The following DNAH10 variants were observed in gnomAD, a reference collection of about 807,000 sequenced individuals.
DNAH10 encodes the protein axonemal beta dynein heavy chain 10.
Under a neutral mutation model 506.6 loss-of-function variants are expected in DNAH10, and 348 were observed. That is an observed-to-expected ratio of 0.69 (90% CI 0.63 to 0.75). DNAH10 has a LOEUF of 0.75. Ranked by LOEUF, DNAH10 falls within the 30% of genes least tolerant of loss-of-function variation. DNAH10 has a pLI of 0.00. For missense variants in DNAH10, 5,179 were observed against 5,787.1 expected (o/e 0.89, Z 3.41); for synonymous variants, 2,059 against 2,198.6 (o/e 0.94, Z 1.78).
chr12:123,915,213 C>G (rs1001292084), intron 62 of DNAH10, among the ~76,000 whole-genome samples: 2 of 112,206 alleles, frequency 1.8e-5, no homozygotes, highest in Non-Finnish European at 3.8e-5. Context: ...AACTCTGCCT[C>G]TCCCCTCGCA....
chr12:123,783,329 C>T, intron 7 of DNAH10, 65 bp downstream of exon 7: 2 of 1,590,304 alleles, frequency 1.3e-6, no homozygotes, highest in Non-Finnish European at 8.6e-7. Context: ...GGGAAAGAGC[C>T]CGGAGTCTGG....
chr12:123,764,995 T>G (rs578128096), intron 1 of DNAH10, among the ~76,000 whole-genome samples: 9 of 152,142 alleles, frequency 5.9e-5, no homozygotes, highest in South Asian at 4.1e-4. Context: ...TTGAACAGTT[T>G]CCCTAGATTA....
At position 123,933,525 on chromosome 12, in the gene DNAH10, G is replaced by T. The variant is rs368733489; in HGVS notation, c.13477+14G>T. ...GGGCGGGACAAGGTACCGTCAGCTC[G>T]TTAGGGATCCACAGCCTCTCACTTA... On this transcript the variant is annotated intron_variant, in intron 77 of 78. Transcript: ENST00000673944. The T allele has an allele frequency of 1.9e-6, 3 of 1,576,134 alleles. No individual in the cohort carries two copies. The highest frequency in any genetic ancestry group is 2.3e-5 in the East Asian group (1 of 43,180).
Position 123,928,443 on chromosome 12 carries a change from G to C in DNAH10, c.12162G>C (p.Gln4054His), listed in dbSNP as rs1417447667. Reference sequence around the variant, plus strand: ...CTCGGGGGCAGTGGCTGATGCTGCAGAACTGCCACCTCCTGGTCAAGTGGC... The same window carrying C: ...CTCGGGGGCAGTGGCTGATGCTGCACAACTGCCACCTCCTGGTCAAGTGGC... ...AVARGQWLML[Q>H]NCHLLVKWLK... The change falls in exon 70 of 79, where the codon CAG (glutamine) becomes CAC (histidine). Residue 4054 changes from glutamine to histidine, a missense_variant. Physicochemically the swap from Gln to His is conservative, Grantham distance 24 (BLOSUM62 0). Coordinates refer to ENST00000673944, the MANE Select transcript of DNAH10 (RefSeq NM_001372106.1). This position sits in a 1 kb window ranked among gnomAD's most constrained non-coding sequence, Gnocchi z 4.9. The C allele has an allele frequency of 6.2e-7, 1 of 1,608,870 alleles. No individual in the cohort carries two copies. Among genetic ancestry groups the C allele is most frequent in the Non-Finnish European group, 8.5e-7 (1 of 1,178,116 alleles).
At chr12:123,905,456 G>A (rs1015114848) in intron 57 of DNAH10, among the ~76,000 whole-genome samples, 71 of 152,206 alleles carry the variant, frequency 4.7e-4, no homozygotes, top group African/African-American at 1.6e-3. Context: ...AATCCCCGCC[G>A]TGGGGATGGA....
chr12:123,820,509 C>A, intron 23 of DNAH10, 71 bp from the exon 24 acceptor site: 1 of 1,430,322 alleles, frequency 7.0e-7, no homozygotes, highest in South Asian at 1.3e-5. Context: ...ATACATTATG[C>A]ATGATTTCTT....
Position 123,926,838 on chromosome 12 carries a change from G to A in DNAH10, c.12105+18G>A. 1 of 1,612,782 alleles carries A rather than the reference G, an allele frequency of 6.2e-7. No homozygotes were observed. The highest frequency in any genetic ancestry group is 1.1e-5 in the South Asian group (1 of 90,936). On this transcript the variant is annotated intron_variant, in intron 69 of 78. Coordinates refer to ENST00000673944, the MANE Select transcript of DNAH10 (RefSeq NM_001372106.1). The surrounding 1 kb of genome is among the most constrained non-coding windows in gnomAD (Gnocchi z 4.1). ...AAGAAAAGGTAATTTGTGGCTGAAA[G>A]GAACAAGCTCTACGTTTAGGGGAGG...
chr12:123,856,022 T>C (rs1168437485), intron 36 of DNAH10, among the ~76,000 whole-genome samples: 1 of 148,432 alleles, frequency 6.7e-6, no homozygotes, highest in South Asian at 2.1e-4. Context: ...ATATTATTTA[T>C]ATGATCATTA....
intron 55 of DNAH10, 25 bp downstream of exon 55, chr12:123,897,992 G>T: frequency 1.3e-6 from 2 of 1,529,034 alleles, no homozygotes; most frequent in South Asian, 2.6e-5. Context: ...TGGGGTGGTT[G>T]ACAAAAGTCA....
chr12:123,906,211 A>G (rs1182192387), intron 57 of DNAH10, among the ~76,000 whole-genome samples: 1 of 143,324 alleles, frequency 7.0e-6, no homozygotes, highest in African/African-American at 2.6e-5. Flanking sequence ...GGATTACAGG[A>G]GTGAGCCACT....
chr12:123,768,696 C>G (rs1194225498), intron 2 of DNAH10, among the ~76,000 whole-genome samples: 1 of 152,198 alleles, frequency 6.6e-6, no homozygotes, highest in Non-Finnish European at 1.5e-5. Context: ...ACTGTGCAAG[C>G]TACAGATGCC....
At position 123,885,064 on chromosome 12, in the gene DNAH10, T is replaced by C. The variant is rs534235759; in HGVS notation, c.8824-2078T>C. On this transcript the variant is annotated intron_variant, in intron 51 of 78. Transcript: ENST00000673944. ...GCTGAAAATGCACTTTTGATTTATA[T>C]ATTCAACTTACAATGGGTTTATCTG... 2.0e-5 allele frequency among the ~76,000 whole-genome samples: 3 copies of C among 152,356 alleles called. No individual in the cohort carries two copies. In the South Asian group the frequency reaches 6.2e-4, roughly 32 times the overall value.
intron 41 of DNAH10, among the ~76,000 whole-genome samples, 156 bp downstream of exon 41, chr12:123,866,229 CTTTTTTTTTT>C (rs71088963): frequency 3.3e-4 from 19 of 58,208 alleles, no homozygotes; most frequent in East Asian, 4.6e-4. Flanking sequence ...GGCAGACACA[CTTTTTTTTTT>C]TTTTTTTTTT....
Position 123,859,176 on chromosome 12 carries a change from G to T in DNAH10, c.6657G>T (p.Glu2219Asp). ...IQVDKVVQMF[E>D]TMLTRHTTMV... Reference sequence around the variant, plus strand: ...TGGATAAAGTGGTTCAAATGTTCGAGACCATGTTAACCCGCCACACGACGA... The same window carrying T: ...TGGATAAAGTGGTTCAAATGTTCGATACCATGTTAACCCGCCACACGACGA... The change falls in exon 38 of 79, where the codon GAG becomes GAT. Residue 2219 changes from glutamate to aspartate, a missense_variant. Glu to Asp is a conservative substitution (Grantham distance 45). Around this residue, in one of 3 missense-constraint regions of DNAH10, gnomAD observed 4,844 missense variants for 5,430.5 expected, o/e 0.89. Transcript: ENST00000673944. The T allele has an allele frequency of 6.2e-7, 1 of 1,611,608 alleles. No individual in the cohort carries two copies. Among genetic ancestry groups the T allele is most frequent in the Non-Finnish European group, 8.5e-7 (1 of 1,179,180 alleles).
chr12:123,895,949 C>T (rs1458707670), intron 54 of DNAH10, among the ~76,000 whole-genome samples: 2 of 151,860 alleles, frequency 1.3e-5, no homozygotes, highest in African/African-American at 4.8e-5. Context: ...CCTGTATTTA[C>T]TAAAAATACA....
Position 123,785,798 on chromosome 12 carries a change from T to C in DNAH10, c.1283T>C (p.Met428Thr), listed in dbSNP as rs763876955. The change falls in exon 9 of 79, where the codon ATG becomes ACG. Residue 428 changes from methionine to threonine, a missense_variant. Around this residue, in one of 3 missense-constraint regions of DNAH10, gnomAD observed 4,844 missense variants for 5,430.5 expected, o/e 0.89. Transcript: ENST00000673944. The surrounding 1 kb of genome is among the most constrained non-coding windows in gnomAD (Gnocchi z 4.1). ...FHVVLDTIPAMMSALRMVWII... is the reference protein window; with the variant it reads ...FHVVLDTIPATMSALRMVWII... ...GTGGTCCTGGACACCATCCCCGCCA[T>C]GATGAGTGCCCTGCGGATGGTGTGG... 3.7e-6 allele frequency: 6 copies of C among 1,614,092 alleles called. No individual in the cohort carries two copies. The Admixed American group carries it at 6.7e-5, about 18-fold the overall frequency.
At chr12:123,870,764 G>A (rs150790564) in intron 44 of DNAH10, among the ~76,000 whole-genome samples, 95 of 152,230 alleles carry the variant, frequency 6.2e-4, no homozygotes, top group South Asian at 5.0e-3. Flanking sequence ...ATGCCGTTTC[G>A]CCTCCCCTGG....
At chr12:123,780,817 T>G (rs1442341215) in intron 5 of DNAH10, among the ~76,000 whole-genome samples, 1 of 151,196 alleles carries the variant, frequency 6.6e-6, no homozygotes, top group Non-Finnish European at 1.5e-5. Context: ...GGTGTGCTGG[T>G]GTGTGCCTGT....
chr12:123,774,910 G>A (rs1345882020), intron 5 of DNAH10, among the ~76,000 whole-genome samples: 1 of 152,204 alleles, frequency 6.6e-6, no homozygotes, highest in Non-Finnish European at 1.5e-5. Context: ...GGGTCAAGCA[G>A]TGGACAGGAC....
Sources: allele counts gnomAD v4.1 joint callset (sites outside exome capture counted in the v4.1 genomes callset), GRCh38; gene constraint gnomAD v4.1.1; regional missense constraint gnomAD v4.1.1; non-coding constraint Gnocchi (gnomAD v3.1); transcripts MANE v1.5; gene names NCBI Gene and HGNC (gene_info 2026-07-23, HGNC 2026-07-21).